Variants in XIST observed in about 807,000 individuals in gnomAD.
XIST encodes X inactive specific transcript (non-protein coding).
At chrX:73,836,568 G>A (rs1034994244) in intron 2 of XIST, among the ~76,000 whole-genome samples, 2 of 111,370 alleles carry the variant, frequency 1.8e-5, no homozygotes, top group African/African-American at 6.5e-5. Context: ...AGATACAGAT[G>A]GTTATATATA....
At chrX:73,841,096 G>A (rs1922577403) in intron 1 of XIST, among the ~76,000 whole-genome samples, 1 of 111,444 alleles carries the variant, frequency 9.0e-6, no homozygotes, top group South Asian at 3.7e-4. Context: ...ATCATCTCAG[G>A]AATGAAATTA....
At chrX:73,827,094 G>A (rs1158041494) in exon 6 of XIST, 1 of 556,513 alleles carries the variant, frequency 1.8e-6, no homozygotes, top group Non-Finnish European at 3.2e-6. Flanking sequence ...TATACTTTGG[G>A]CCTTCTATCC....
At chrX:73,823,197 C>A in exon 6 of XIST, 1 of 546,241 alleles carries the variant, frequency 1.8e-6, no homozygotes, top group Non-Finnish European at 3.3e-6. Context: ...AAACCCTGAG[C>A]CCTTTTATCA....
chrX:73,830,894 C>T (rs1246371424), intron 4 of XIST, among the ~76,000 whole-genome samples: 4 of 112,049 alleles, frequency 3.6e-5, no homozygotes, highest in Non-Finnish European at 7.5e-5. Context: ...TCACTTTAAC[C>T]AGTTAATCTC....
chrX:73,837,458 A>T, exon 2 of XIST: 1 of 503,280 alleles, frequency 2.0e-6, no homozygotes, highest in Non-Finnish European at 3.6e-6. Flanking sequence ...GCCTAAGGAG[A>T]CATGACTACT....
At chrX:73,852,296 G>C (rs1017685253) in exon 1 of XIST, 1 of 533,940 alleles carries the variant, frequency 1.9e-6, no homozygotes, top group African/African-American at 2.4e-5. Context: ...CCCGATGGGC[G>C]AATAAAAAAG....
chrX:73,842,792 A>G (rs769767870), exon 1 of XIST: 2 of 558,674 alleles, frequency 3.6e-6, no homozygotes, highest in South Asian at 4.4e-5. Context: ...TACCCAGCAA[A>G]GAGGCAAAAG....
At chrX:73,851,814 C>A (rs765734165) in exon 1 of XIST, 5 of 558,844 alleles carry the variant, frequency 8.9e-6, no homozygotes, top group Admixed American at 4.4e-5. Flanking sequence ...TGCGGCAAGT[C>A]TAAAATGGCG....
exon 6 of XIST, chrX:73,827,002 T>C (rs1210845105): frequency 1.8e-6 from 1 of 556,850 alleles, no homozygotes; most frequent in Non-Finnish European, 3.2e-6. Context: ...TTTTGTTGGT[T>C]TCAGGCCTGA....
At chrX:73,821,612 C>A in exon 6 of XIST, 1 of 557,039 alleles carries the variant, frequency 1.8e-6, no homozygotes, top group South Asian at 2.3e-5. Flanking sequence ...TGGTAATGTT[C>A]TTAAGACCAA....
exon 1 of XIST, chrX:73,848,515 A>G (rs1220115069): frequency 1.8e-6 from 1 of 556,415 alleles, no homozygotes. Context: ...AATTATGAAC[A>G]TCAATGCACA....
exon 1 of XIST, chrX:73,846,433 G>A (rs1340876953): frequency 3.6e-6 from 2 of 558,345 alleles, no homozygotes; most frequent in Non-Finnish European, 3.2e-6. Flanking sequence ...TAGTGCATAG[G>A]ATCCCAGACG....
exon 1 of XIST, chrX:73,841,421 C>T: frequency 7.3e-6 from 4 of 549,604 alleles, no homozygotes; most frequent in Non-Finnish European, 9.9e-6. Context: ...TACAGCTGTC[C>T]GAGGAGCTAG....
At chrX:73,823,892 T>C (rs1403021922) in exon 6 of XIST, 2 of 556,002 alleles carry the variant, frequency 3.6e-6, no homozygotes, top group Admixed American at 2.2e-5. Context: ...CATTTTTATA[T>C]CCTAGGGCAT....
exon 1 of XIST, chrX:73,844,107 T>C: frequency 1.8e-6 from 1 of 558,086 alleles, no homozygotes; most frequent in Non-Finnish European, 3.2e-6. Context: ...TGAAAAGAGG[T>C]GGGGCATCCT....
chrX:73,843,501 A>C, exon 1 of XIST: 1 of 558,784 alleles, frequency 1.8e-6, no homozygotes, highest in Non-Finnish European at 3.2e-6. Flanking sequence ...TGACATTAAT[A>C]TTAAAAGAAA....
At chrX:73,849,255 C>T (rs1922853124) in exon 1 of XIST, 1 of 557,289 alleles carries the variant, frequency 1.8e-6, no homozygotes, top group Non-Finnish European at 3.2e-6. Flanking sequence ...CAGTAGGGTG[C>T]CTTTGTTTAA....
exon 1 of XIST, chrX:73,847,277 G>A (rs752940628): frequency 1.8e-6 from 1 of 554,757 alleles, no homozygotes; most frequent in Admixed American, 2.2e-5. Context: ...TCTAACATAG[G>A]GGCACATCAA....
chrX:73,838,649 C>A (rs1922529381), intron 1 of XIST, among the ~76,000 whole-genome samples: 1 of 111,201 alleles, frequency 9.0e-6, no homozygotes, highest in Non-Finnish European at 1.9e-5. Flanking sequence ...TCAAGTAAAG[C>A]CTAAGTCACC....
Sources: allele counts gnomAD v4.1 joint callset (sites outside exome capture counted in the v4.1 genomes callset), GRCh38; gene constraint gnomAD v4.1.1; transcripts MANE v1.5; gene names NCBI Gene and HGNC (gene_info 2026-07-23, HGNC 2026-07-21).